The following CLASP1 variants were observed in gnomAD, a reference collection of about 807,000 sequenced individuals.
The protein encoded by CLASP1 is cytoplasmic linker associated protein 1.
In CLASP1, 38 loss-of-function variants were observed where a neutral mutation model predicts 192.3. That is an observed-to-expected ratio of 0.20 (90% confidence interval 0.15 to 0.26). The LOEUF (loss-of-function observed/expected upper bound fraction) is 0.26, where lower values mean the gene tolerates loss of function less well. CLASP1 is among the 10% of genes least tolerant of loss of function. The probability of loss-of-function intolerance (pLI) is 1.00; values close to 1 mark genes in which losing one functional copy is unlikely to be tolerated. For missense variants in CLASP1, 1,433 were observed against 1,932.5 expected (o/e 0.74, Z 4.85); for synonymous variants, 691 against 712.8 (o/e 0.97, Z 0.49).
intron 2 of CLASP1, among the ~76,000 whole-genome samples, chr2:121,590,960 C>T (rs1300551292): frequency 3.3e-5 from 5 of 151,446 alleles, no homozygotes; most frequent in African/African-American, 9.7e-5. Context: ...CTCCGCCTCC[C>T]GGGTTCAAGC....
At chr2:121,348,852 C>A in intron 37 of CLASP1, 134 bp from the exon 39 acceptor site, 1 of 812,660 alleles carries the variant, frequency 1.2e-6, no homozygotes, top group Non-Finnish European at 1.9e-6. Flanking sequence ...TCGCCTGGCT[C>A]AATTGTTAAA....
At chr2:121,346,623 C>A (rs963163389) in intron 39 of CLASP1, among the ~76,000 whole-genome samples, 2 of 152,234 alleles carry the variant, frequency 1.3e-5, no homozygotes, top group African/African-American at 4.8e-5. Flanking sequence ...GTGCGTAGGG[C>A]TGCCCTGTAG....
At chr2:121,593,972 C>A (rs565180340) in intron 2 of CLASP1, among the ~76,000 whole-genome samples, 28 of 149,304 alleles carry the variant, frequency 1.9e-4, no homozygotes, top group Non-Finnish European at 3.7e-4. Flanking sequence ...CGCGCCACTG[C>A]ACTCCAGCCT....
In CLASP1 at chr2:121,416,300, A is replaced by T. The variant is rs193025584; in HGVS notation, c.2320+2322T>A. ...AGCCCTAGAGCCCTTAATTTCCCTTAATCAAAAATTATCACCATAACCATA... is the reference window on the plus strand; with the variant it reads ...AGCCCTAGAGCCCTTAATTTCCCTTTATCAAAAATTATCACCATAACCATA... On this transcript the variant is annotated intron_variant, in intron 23 of 39. Coordinates refer to ENST00000263710, the Ensembl canonical transcript of CLASP1. Among the ~76,000 whole-genome samples, 15 of 152,342 alleles carry T rather than the reference A, an allele frequency of 9.8e-5. No homozygotes were observed. In the East Asian group the frequency reaches 2.9e-3, roughly 29 times the overall value.
intron 1 of CLASP1, among the ~76,000 whole-genome samples, chr2:121,647,039 CAAA>C (rs36066876): frequency 1.3e-4 from 9 of 71,740 alleles, no homozygotes; most frequent in Admixed American, 3.2e-4. Flanking sequence ...GACTCCATCT[CAAA>C]AAAAAAAAAA....
chr2:121,560,438 A>G (rs1175217976), intron 2 of CLASP1, among the ~76,000 whole-genome samples: 8 of 152,230 alleles, frequency 5.3e-5, no homozygotes, highest in Admixed American at 5.2e-4. Context: ...ACAGATACAC[A>G]TAAATTCGAA....
At chr2:121,482,087 A>G (rs1457444630) in intron 8 of CLASP1, among the ~76,000 whole-genome samples, 1 of 152,178 alleles carries the variant, frequency 6.6e-6, no homozygotes, top group East Asian at 1.9e-4. Flanking sequence ...ATTAACTGAG[A>G]GTGTGAGCGG....
chr2:121,387,789 G>A (rs1265917588), exon 31 of CLASP1: 1 of 1,613,886 alleles, frequency 6.2e-7, no homozygotes, highest in African/African-American at 1.3e-5. Context: ...GAATTCTTGA[G>A]GTGGTTGTGC....
chr2:121,648,771 A>G (rs147975763), intron 1 of CLASP1, among the ~76,000 whole-genome samples: 1 of 152,204 alleles, frequency 6.6e-6, no homozygotes, highest in Non-Finnish European at 1.5e-5. Flanking sequence ...CTTCAGAAAG[A>G]AGCTCTTCGA....
At chr2:121,353,493 C>T (rs1308745325) in intron 37 of CLASP1, among the ~76,000 whole-genome samples, 1 of 152,200 alleles carries the variant, frequency 6.6e-6, no homozygotes, top group Non-Finnish European at 1.5e-5. Context: ...CTGTGTGGTG[C>T]TTCCTCTCCC....
intron 37 of CLASP1, among the ~76,000 whole-genome samples, chr2:121,350,191 CAAA>C (rs983000995): frequency 6.6e-6 from 1 of 152,194 alleles, no homozygotes; most frequent in African/African-American, 2.4e-5. Context: ...TTCTGTTACT[CAAA>C]ATAACTCAGC....
At position 121,530,333 on chromosome 2, in the gene CLASP1, G is replaced by A. The variant is rs1285067391; in HGVS notation, c.196-8C>T. On this transcript the variant is annotated splice_region_variant and splice_polypyrimidine_tract_variant and intron_variant, in intron 2 of 39. Transcript: ENST00000263710. ...CATGCCCAGCAGAACCACCTGCAGCGGGAAACACCGGGAGCCTGTTAGCAG... is the reference window on the plus strand; with the variant it reads ...CATGCCCAGCAGAACCACCTGCAGCAGGAAACACCGGGAGCCTGTTAGCAG... 1.3e-6 allele frequency: 2 copies of A among 1,546,946 alleles called. No individual in the cohort carries two copies. Among genetic ancestry groups the A allele is most frequent in the South Asian group, 1.2e-5 (1 of 83,874 alleles).
chr2:121,644,657 G>A (rs1021636796), intron 1 of CLASP1, among the ~76,000 whole-genome samples: 7 of 151,574 alleles, frequency 4.6e-5, no homozygotes, highest in Non-Finnish European at 1.0e-4. Flanking sequence ...TCCGTCTTGG[G>A]GGCCGGTGTA....
In CLASP1 at chr2:121,614,933, A is replaced by C. The variant is rs545598112; in HGVS notation, c.-285-8753T>G. Among the ~76,000 whole-genome samples the C allele has an allele frequency of 3.9e-5, 6 of 152,382 alleles. No individual in the cohort carries two copies. The South Asian group carries it at 1.2e-3, about 32-fold the overall frequency. ...CAAATAAGGAACGTGAATAAGCACT[A>C]TGAAAATTCAGAGGAAGGAATGGAT... On this transcript the variant is annotated intron_variant, in intron 1 of 39. Transcript: ENST00000263710.
chr2:121,511,434 C>T (rs1257776000), intron 7 of CLASP1, among the ~76,000 whole-genome samples: 2 of 151,956 alleles, frequency 1.3e-5, no homozygotes, highest in Non-Finnish European at 2.9e-5. Context: ...ACTAAAAATA[C>T]AAAATTAGCC....
intron 2 of CLASP1, among the ~76,000 whole-genome samples, chr2:121,559,414 A>G (rs577019890): frequency 1.6e-4 from 24 of 152,352 alleles, no homozygotes; most frequent in African/African-American, 5.8e-4. Context: ...AGTATTATTC[A>G]TAATAGTCAA....
chr2:121,449,847 G>A (rs911718156), intron 16 of CLASP1, among the ~76,000 whole-genome samples: 1 of 152,164 alleles, frequency 6.6e-6, no homozygotes, highest in African/African-American at 2.4e-5. Flanking sequence ...TATTAATGCA[G>A]CTAAGTAAAA....
chr2:121,569,759 T>C (rs2059822014), intron 2 of CLASP1, among the ~76,000 whole-genome samples: 1 of 152,014 alleles, frequency 6.6e-6, no homozygotes, highest in African/African-American at 2.4e-5. Context: ...GAGAATCGCT[T>C]GAACCCAGGA....
intron 2 of CLASP1, among the ~76,000 whole-genome samples, chr2:121,544,279 T>G (rs746634147): frequency 6.6e-6 from 1 of 152,148 alleles, no homozygotes; most frequent in Non-Finnish European, 1.5e-5. Context: ...GCTCCCAGCA[T>G]TCCAATCTCC....
Sources: gnomAD v4.1 joint callset for allele counts (sites outside exome capture counted in the v4.1 genomes callset) on GRCh38, gnomAD v4.1.1 for gene constraint, MANE v1.5 for transcripts, NCBI Gene and HGNC (gene_info 2026-07-23, HGNC 2026-07-21) for gene names.